Variants in SPAG16 observed in about 807,000 individuals in gnomAD.
The protein encoded by SPAG16 is sperm associated antigen 16, also known as sperm-associated antigen 16 protein.
A neutral mutation model predicts 80.4 loss-of-function variants in SPAG16; 86 were observed. That is an observed-to-expected ratio of 1.07 (90% CI 0.90 to 1.28). SPAG16 has a LOEUF of 1.28. SPAG16 is among the 50% of genes most tolerant of loss of function. The pLI, the probability that SPAG16 is intolerant of heterozygous loss-of-function variation, is 0.00. For missense variants in SPAG16, 870 were observed against 765.3 expected, an observed-to-expected ratio of 1.14 and a Z score of -1.61; for synonymous variants, 294 against 265.9, an observed-to-expected ratio of 1.11 and a Z score of -1.03.
At chr2:213,333,292 G>A (rs972758761) in intron 5 of SPAG16, among the ~76,000 whole-genome samples, 2 of 151,884 alleles carry the variant, frequency 1.3e-5, no homozygotes, top group Non-Finnish European at 2.9e-5. Flanking sequence ...GAAGTAACAA[G>A]CAAATAAATG....
chr2:213,621,970 G>A (rs1426540977), intron 10 of SPAG16, among the ~76,000 whole-genome samples: 1 of 152,142 alleles, frequency 6.6e-6, no homozygotes, highest in Non-Finnish European at 1.5e-5. Flanking sequence ...AACCATTGGA[G>A]GAGGAACTAT....
rs564354859 is a variant in SPAG16, at chr2:214,368,270, C to T, written c.1721-41870C>T. On this transcript the variant is annotated intron_variant, in intron 15 of 15. Transcript: ENST00000331683. ...CTTCTTTACTCACACCTGCAACCCACATTTCATTCTGCTTCCAACCCTATC... is the reference window on the plus strand; with the variant it reads ...CTTCTTTACTCACACCTGCAACCCATATTTCATTCTGCTTCCAACCCTATC... Among the ~76,000 whole-genome samples, 9 of 152,210 alleles carry T rather than the reference C, an allele frequency of 5.9e-5. No individual in the cohort carries two copies. In the South Asian group the frequency reaches 1.9e-3, roughly 32 times the overall value.
intron 9 of SPAG16, among the ~76,000 whole-genome samples, chr2:213,393,516 ATTTACTTTTT>A (rs2067877869): frequency 6.6e-6 from 1 of 151,836 alleles, no homozygotes; most frequent in South Asian, 2.1e-4. Flanking sequence ...ATTTCACAAT[ATTTACTTTTT>A]TGTATTATTG....
At chr2:213,497,295 C>T (rs1162608963) in intron 10 of SPAG16, among the ~76,000 whole-genome samples, 1 of 152,026 alleles carries the variant, frequency 6.6e-6, no homozygotes, top group African/African-American at 2.4e-5. Flanking sequence ...TGAATAAATA[C>T]ATTATCTAAT....
At chr2:213,891,951 C>A (rs1037249439) in intron 11 of SPAG16, among the ~76,000 whole-genome samples, 1 of 152,098 alleles carries the variant, frequency 6.6e-6, no homozygotes, top group East Asian at 1.9e-4. Context: ...TTTTTACTCA[C>A]AGAAAGCATT....
chr2:213,422,206 C>T (rs2125441865), intron 9 of SPAG16: 1 of 701,466 alleles, frequency 1.4e-6, no homozygotes, highest in African/African-American at 1.7e-5. Flanking sequence ...CGAGCCAGTG[C>T]TGTGACACCC....
intron 1 of SPAG16, among the ~76,000 whole-genome samples, chr2:213,295,124 C>G (rs1377726624): frequency 6.6e-6 from 1 of 152,058 alleles, no homozygotes; most frequent in Non-Finnish European, 1.5e-5. Context: ...AAAATGAAAA[C>G]TAGGCTAATC....
chr2:214,059,216 G>GTATGTATATA (rs1559745341), intron 13 of SPAG16, among the ~76,000 whole-genome samples: 7 of 66,998 alleles, frequency 1.0e-4, no homozygotes, highest in African/African-American at 2.1e-4. Context: ...ATATATATAT[G>GTATGTATATA]TATGTGTATA....
At chr2:214,280,840 T>G (rs1047228145) in intron 15 of SPAG16, 22 of 435,568 alleles carry the variant, frequency 5.1e-5, no homozygotes, top group African/African-American at 3.9e-4. Flanking sequence ...ATGCCGTTCT[T>G]TATATATTGA....
At chr2:213,337,541 A>G (rs2064432273) in intron 5 of SPAG16, among the ~76,000 whole-genome samples, 1 of 152,234 alleles carries the variant, frequency 6.6e-6, no homozygotes, top group Non-Finnish European at 1.5e-5. Flanking sequence ...TACCTGATCA[A>G]GCTGAGAAAC....
intron 9 of SPAG16, among the ~76,000 whole-genome samples, chr2:213,484,108 G>T (rs1223532921): frequency 6.6e-6 from 1 of 151,716 alleles, no homozygotes; most frequent in Non-Finnish European, 1.5e-5. Flanking sequence ...TATCTTATAT[G>T]AGTCAAAGTT....
rs980037756 is a variant in SPAG16, at chr2:214,113,194, G to A, written c.1593+4933G>A. On this transcript the variant is annotated intron_variant, in intron 14 of 15. Coordinates refer to ENST00000331683, the MANE Select transcript of SPAG16 (RefSeq NM_024532.5). ...GTTTCTATTGAGAGATCCTCTGTTA[G>A]TCTGATGGGCTTCCCTTTGTGGGTT... Among the ~76,000 whole-genome samples the A allele has an allele frequency of 1.3e-5, 2 of 152,184 alleles. 1 individual carries two copies. Among genetic ancestry groups the A allele is most frequent in the Non-Finnish European group, 2.9e-5 (2 of 68,042 alleles).
At position 213,387,429 on chromosome 2, in the gene SPAG16, C is replaced by CTTTTTTTTTTTTTTTTTTTTTTTTTTTT. The variant is rs1491308938; in HGVS notation, c.942+12311_942+12312insTTTTTTTTTTTTTTTTTTTTTTTTTTTT. ...TTTTTGGGTTGGAATGAAATGCATG[C>CTTTTTTTTTTTTTTTTTTTTTTTTTTTT]TCTTTTTTTTTTTTTTTTTTTTTTT... On this transcript the variant is annotated intron_variant, in intron 9 of 15. Coordinates refer to ENST00000331683, the MANE Select transcript of SPAG16 (RefSeq NM_024532.5). 5.6e-5 allele frequency among the ~76,000 whole-genome samples: 4 copies of CTTTTTTTTTTTTTTTTTTTTTTTTTTTT among 71,760 alleles called. 1 individual carries two copies. Among genetic ancestry groups the CTTTTTTTTTTTTTTTTTTTTTTTTTTTT allele is most frequent in the Non-Finnish European group, 7.2e-5 (3 of 41,902 alleles). The allele number at this position is 71,760 out of a possible 152,430, so 47.1% of individuals were successfully genotyped here.
At chr2:214,172,475 C>T (rs1272096581) in intron 15 of SPAG16, among the ~76,000 whole-genome samples, 1 of 152,038 alleles carries the variant, frequency 6.6e-6, no homozygotes, top group Non-Finnish European at 1.5e-5. Flanking sequence ...GTATATGTGC[C>T]ACATTTTCTT....
intron 15 of SPAG16, among the ~76,000 whole-genome samples, chr2:214,198,468 G>T (rs150045127): frequency 6.6e-4 from 101 of 152,166 alleles, no homozygotes; most frequent in African/African-American, 2.3e-3. Context: ...TATTCTTGGT[G>T]TAAATATACC....
chr2:213,622,240 A>G (rs2061812817), intron 10 of SPAG16, among the ~76,000 whole-genome samples: 1 of 152,162 alleles, frequency 6.6e-6, no homozygotes, highest in Admixed American at 6.5e-5. Context: ...TCAAAGTTAT[A>G]TTTGTTTTAT....
intron 10 of SPAG16, among the ~76,000 whole-genome samples, chr2:213,526,380 T>C (rs1237900619): frequency 1.3e-5 from 2 of 152,222 alleles, no homozygotes; most frequent in African/African-American, 2.4e-5. Context: ...TTTTCTCTTG[T>C]TTAATTCTAT....
intron 15 of SPAG16, among the ~76,000 whole-genome samples, chr2:214,376,774 A>T (rs1359271904): frequency 6.6e-6 from 1 of 152,190 alleles, no homozygotes; most frequent in Non-Finnish European, 1.5e-5. Context: ...TGTAACTGAG[A>T]TGCTTAGTAC....
chr2:213,988,650 A>T (rs2046134725), intron 12 of SPAG16, among the ~76,000 whole-genome samples: 1 of 151,806 alleles, frequency 6.6e-6, no homozygotes, highest in Non-Finnish European at 1.5e-5. Flanking sequence ...AGCCATGCAC[A>T]ATTGTACCAA....
Sources: gnomAD v4.1 joint callset for allele counts (sites outside exome capture counted in the v4.1 genomes callset) on GRCh38, gnomAD v4.1.1 for gene constraint, MANE v1.5 for transcripts, NCBI Gene and HGNC (gene_info 2026-07-23, HGNC 2026-07-21) for gene names.